Variants in CACNA1C observed in about 807,000 individuals in gnomAD.
CACNA1C encodes the protein voltage-dependent L-type calcium channel subunit alpha-1C.
CACNA1C carries 30 observed loss-of-function variants against 229.0 expected under a neutral mutation model. The observed-to-expected ratio is 0.13, with a 90% CI of 0.10 to 0.18. The LOEUF is 0.18. Ranked by LOEUF, CACNA1C falls within the 10% of genes least tolerant of loss-of-function variation. The pLI, the probability that CACNA1C is intolerant of heterozygous loss-of-function variation, is 1.00. For synonymous variants in CACNA1C, 1,114 were observed against 1,132.5 expected (o/e 0.98, Z 0.33); for missense variants, 1,658 against 2,845.0 (o/e 0.58, Z 9.49).
chr12:2,553,946 C>T (rs1599850669), intron 10 of CACNA1C, among the ~76,000 whole-genome samples: 1 of 152,274 alleles, frequency 6.6e-6, no homozygotes, highest in East Asian at 1.9e-4. Context: ...GGGGAGAGGA[C>T]GTCCTGGAGT....
At chr12:2,617,407 G>A (rs909756743) in intron 29 of CACNA1C, among the ~76,000 whole-genome samples, 4 of 152,196 alleles carry the variant, frequency 2.6e-5, no homozygotes, top group Admixed American at 6.5e-5. Context: ...TGGAATGGTC[G>A]TCCTAGTGGC....
chr12:1,981,926 AGTT>A (rs1193362471), intron 1 of CACNA1C, among the ~76,000 whole-genome samples: 1 of 152,200 alleles, frequency 6.6e-6, no homozygotes, highest in Non-Finnish European at 1.5e-5. Flanking sequence ...GTGTATATGT[AGTT>A]GTTTGCTTGG....
At chr12:2,503,178 T>A (rs535958422) in intron 7 of CACNA1C, among the ~76,000 whole-genome samples, 2 of 152,194 alleles carry the variant, frequency 1.3e-5, no homozygotes, top group African/African-American at 4.8e-5. Context: ...CGTGGGTTGC[T>A]GGGCCTTCCC....
intron 3 of CACNA1C, among the ~76,000 whole-genome samples, chr12:2,296,644 T>G (rs1359915155): frequency 6.6e-6 from 1 of 152,172 alleles, no homozygotes; most frequent in Non-Finnish European, 1.5e-5. Context: ...CACCTCACAC[T>G]ACACTATCTA....
At chr12:2,475,502 G>A (rs778798144) in intron 5 of CACNA1C, among the ~76,000 whole-genome samples, 7 of 152,122 alleles carry the variant, frequency 4.6e-5, no homozygotes, top group African/African-American at 1.7e-4. Context: ...ATCAAAGACA[G>A]GACTGGTAAT....
intron 3 of CACNA1C, among the ~76,000 whole-genome samples, chr12:2,229,350 C>T (rs1028005433): frequency 5.3e-5 from 8 of 152,106 alleles, no homozygotes; most frequent in African/African-American, 1.7e-4. Flanking sequence ...GATATGCACA[C>T]CTAGGAATAT....
chr12:2,299,516 T>G (rs2094386736), intron 3 of CACNA1C, among the ~76,000 whole-genome samples: 1 of 152,160 alleles, frequency 6.6e-6, no homozygotes, highest in Non-Finnish European at 1.5e-5. Flanking sequence ...GAGGGGTTCC[T>G]GTGGGACCAG....
chr12:2,102,075 G>A (rs2076632589), intron 1 of CACNA1C, among the ~76,000 whole-genome samples: 2 of 152,166 alleles, frequency 1.3e-5, no homozygotes, highest in South Asian at 2.1e-4. Flanking sequence ...GCAAAACAAA[G>A]GCTCATGCTT....
intron 9 of CACNA1C, among the ~76,000 whole-genome samples, chr12:2,523,752 A>G (rs567182975): frequency 4.1e-4 from 62 of 152,328 alleles, no homozygotes; most frequent in African/African-American, 1.4e-3. Context: ...CGATCTATAC[A>G]CTTGGGCGTT....
chr12:2,443,736 G>T (rs2099250572), intron 3 of CACNA1C, among the ~76,000 whole-genome samples: 1 of 152,150 alleles, frequency 6.6e-6, no homozygotes. Context: ...AGGCACGTGG[G>T]GCATCTATGA....
chr12:2,421,889 G>A (rs1471633885), intron 3 of CACNA1C, among the ~76,000 whole-genome samples: 22 of 149,460 alleles, frequency 1.5e-4, no homozygotes, highest in African/African-American at 5.2e-4. Context: ...CCAGCATGGT[G>A]ACAGAGCAAG....
intron 3 of CACNA1C, among the ~76,000 whole-genome samples, chr12:2,139,272 C>T (rs2093887846): frequency 6.6e-6 from 1 of 151,050 alleles, no homozygotes; most frequent in Admixed American, 6.7e-5. Context: ...GCGCGCTCCC[C>T]TGGGTGTTTG....
chr12:2,670,495 A>G (rs1034985044), intron 38 of CACNA1C, among the ~76,000 whole-genome samples: 2 of 152,206 alleles, frequency 1.3e-5, no homozygotes, highest in African/African-American at 4.8e-5. Flanking sequence ...AATAACAGAA[A>G]CATTTCAAAT....
chr12:2,130,018 T>C (rs2091741054), intron 3 of CACNA1C, among the ~76,000 whole-genome samples: 1 of 151,866 alleles, frequency 6.6e-6, no homozygotes, highest in African/African-American at 2.4e-5. Flanking sequence ...TTAGAAGCCA[T>C]TTTTCCCCTT....
intron 9 of CACNA1C, among the ~76,000 whole-genome samples, chr12:2,519,674 G>A (rs1271555307): frequency 6.6e-6 from 1 of 152,238 alleles, no homozygotes; most frequent in Non-Finnish European, 1.5e-5. Flanking sequence ...ATGGTGGCTA[G>A]TGGGGCTGTG....
chr12:2,146,625 C>CT lies in CACNA1C; in HGVS notation c.477+26195_477+26196insT, dbSNP rs2094734336. The stretch of plus-strand genomic sequence containing the variant: ...GGCAGGATTTAGACGAAAGCAGAGC[C>CT]ATTGGAAAGGCATATTCTGTGTTTC... On this transcript the variant is annotated intron_variant, in intron 3 of 46. Coordinates refer to ENST00000399655, the MANE Select transcript of CACNA1C (RefSeq NM_000719.7). Among the ~76,000 whole-genome samples the CT allele has an allele frequency of 1.3e-5, 2 of 151,204 alleles. 1 individual carries two copies. Among genetic ancestry groups the CT allele is most frequent in the Admixed American group, 1.3e-4 (2 of 15,038 alleles).
At chr12:2,315,941 G>C (rs1290073816) in intron 3 of CACNA1C, among the ~76,000 whole-genome samples, 1 of 152,196 alleles carries the variant, frequency 6.6e-6, no homozygotes, top group Non-Finnish European at 1.5e-5. Flanking sequence ...CATCGGGCAA[G>C]AGAACAACAA....
intron 11 of CACNA1C, among the ~76,000 whole-genome samples, chr12:2,560,848 T>TAAAAAAAAA (rs36012443): frequency 8.8e-6 from 1 of 113,096 alleles, no homozygotes; most frequent in Non-Finnish European, 1.7e-5. Context: ...TTGGTTCTGG[T>TAAAAAAAAA]AAAAAAAAAA....
At chr12:2,030,947 T>C (rs2048115112) in intron 1 of CACNA1C, among the ~76,000 whole-genome samples, 1 of 152,254 alleles carries the variant, frequency 6.6e-6, no homozygotes. Context: ...AGCTTTGTCC[T>C]GACATCTTTG....
Sources: allele counts gnomAD v4.1 joint callset (sites outside exome capture counted in the v4.1 genomes callset), GRCh38; gene constraint gnomAD v4.1.1; transcripts MANE v1.5; gene names NCBI Gene and HGNC (gene_info 2026-07-23, HGNC 2026-07-21).